ANK2: variants seen among roughly 807,000 people sequenced by gnomAD.
ANK2 encodes the protein ankyrin 2, also known as ankyrin-2.
In ANK2, 83 loss-of-function variants were observed where a neutral mutation model predicts 360.5. The ratio of observed to expected loss-of-function variants is 0.23; its 90% CI spans 0.19 to 0.28. The LOEUF is 0.28. Ranked by LOEUF, ANK2 falls within the 10% of genes least tolerant of loss-of-function variation. The probability of loss-of-function intolerance (pLI) is 1.00; values close to 1 mark genes in which losing one functional copy is unlikely to be tolerated. For synonymous variants in ANK2, 1,740 were observed against 1,759.5 expected, an observed-to-expected ratio of 0.99 and a Z score of 0.28; for missense variants, 4,201 against 4,795.7, an observed-to-expected ratio of 0.88 and a Z score of 3.66.
intron 2 of ANK2, among the ~76,000 whole-genome samples, chr4:113,014,338 T>C (rs964965551): frequency 1.3e-5 from 2 of 152,356 alleles, no homozygotes; most frequent in East Asian, 3.9e-4. Context: ...TTAACTCACT[T>C]AAGCTTTATG....
chr4:113,214,980 C>G (rs79243447), intron 4 of ANK2, among the ~76,000 whole-genome samples: 1 of 152,074 alleles, frequency 6.6e-6, no homozygotes, highest in African/African-American at 2.4e-5. Context: ...GGAGACTCTC[C>G]TGTATGTTGT....
chr4:113,350,061 G>C (rs1344791266), intron 36 of ANK2, among the ~76,000 whole-genome samples, 167 bp from the exon 37 acceptor site: 5 of 152,032 alleles, frequency 3.3e-5, no homozygotes, highest in African/African-American at 1.2e-4. Flanking sequence ...GTCAGGATAA[G>C]AATCATGGAG....
intron 4 of ANK2, among the ~76,000 whole-genome samples, chr4:113,202,995 T>G (rs921506340): frequency 6.6e-6 from 1 of 152,234 alleles, no homozygotes; most frequent in African/African-American, 2.4e-5. Flanking sequence ...GCTCTCTGGC[T>G]TGGTTCTTTG....
rs2154027475 is a variant in ANK2 at position 113,357,290 on chromosome 4, C to T, written c.8672C>T (p.Pro2891Leu). ...ETFENLPKDC[P>L]SQDSSITTQT... ...TTTGAGAACTTACCAAAGGACTGCC[C>T]CTCTCAAGACTCATCCATTACTACT... The change falls in exon 38 of 46, where the codon CCC (proline) becomes CTC (leucine). Residue 2891 changes from proline (P) to leucine (L), a missense_variant. Pro to Leu is a moderately conservative substitution (Grantham distance 98). Coordinates refer to ENST00000357077, the MANE Select transcript of ANK2 (RefSeq NM_001148.6). The T allele has an allele frequency of 1.2e-6, 2 of 1,614,012 alleles. No homozygotes were observed. The highest frequency in any genetic ancestry group is 1.7e-6 in the Non-Finnish European group (2 of 1,179,996).
the ANK2 span, among the ~76,000 whole-genome samples, chr4:112,791,582 G>A: frequency 0.029 from 4,271 of 148,850 alleles, 136 homozygotes; most frequent in African/African-American, 0.071. Flanking sequence ...TCCGCCTCCC[G>A]GGTTCACACC....
At chr4:113,164,669 G>A (rs962950396) in intron 1 of ANK2, among the ~76,000 whole-genome samples, 15 of 152,304 alleles carry the variant, frequency 9.8e-5, no homozygotes, top group South Asian at 2.1e-4. Context: ...ATGCGGATGC[G>A]TAGCATAATG....
intron 25 of ANK2, 119 bp downstream of exon 25, chr4:113,317,928 G>C: frequency 2.4e-6 from 2 of 846,106 alleles, no homozygotes; most frequent in Non-Finnish European, 3.9e-6. Context: ...ATTCAGTTGA[G>C]AAGCTAGGAT....
At chr4:113,021,314 G>C (rs2058013014) in intron 2 of ANK2, among the ~76,000 whole-genome samples, 1 of 151,866 alleles carries the variant, frequency 6.6e-6, no homozygotes, top group Non-Finnish European at 1.5e-5. Context: ...TCGTTAGTGT[G>C]AGTTGTTTTT....
chr4:112,710,194 TA>T, the ANK2 span, among the ~76,000 whole-genome samples: 1 of 152,194 alleles, frequency 6.6e-6, no homozygotes, highest in African/African-American at 2.4e-5. Flanking sequence ...GTTAGGGATT[TA>T]AAATGTGGTC....
At chr4:112,732,882 C>T in the ANK2 span, among the ~76,000 whole-genome samples, 2 of 152,076 alleles carry the variant, frequency 1.3e-5, no homozygotes, top group South Asian at 2.1e-4. Flanking sequence ...GAGTTTGAGA[C>T]CAGCCTGGCC....
At chr4:112,769,061 C>T in the ANK2 span, among the ~76,000 whole-genome samples, 1 of 152,208 alleles carries the variant, frequency 6.6e-6, no homozygotes, top group Non-Finnish European at 1.5e-5. Context: ...CTCCGCTGAA[C>T]GTGACTGGGC....
intron 45 of ANK2, among the ~76,000 whole-genome samples, chr4:113,381,027 A>G (rs538354895): frequency 1.3e-4 from 20 of 152,314 alleles, no homozygotes; most frequent in Non-Finnish European, 2.4e-4. Context: ...CTGGCAGCCA[A>G]GGTGTTTCAA....
intron 4 of ANK2, among the ~76,000 whole-genome samples, chr4:113,205,302 A>G (rs981338763): frequency 4.0e-5 from 6 of 148,780 alleles, no homozygotes; most frequent in African/African-American, 1.5e-4. Context: ...TTTTCAATTC[A>G]TTTTTCTTAT....
chr4:113,000,094 T>C (rs559535990), intron 2 of ANK2, among the ~76,000 whole-genome samples: 1 of 152,324 alleles, frequency 6.6e-6, no homozygotes, highest in South Asian at 2.1e-4. Flanking sequence ...GAAATGGTTA[T>C]ACCGCAGGGC....
chr4:112,758,191 C>G, the ANK2 span, among the ~76,000 whole-genome samples: 2 of 152,058 alleles, frequency 1.3e-5, no homozygotes, highest in Admixed American at 6.5e-5. Flanking sequence ...TGAGCCACCG[C>G]GTCCGGCCAA....
Position 113,249,827 on chromosome 4 carries a change from T to G in ANK2, c.955T>G (p.Leu319Val). ...GCATGACCAAGTGGTGGAACTTCTG[T>G]TGGAACGGGGTGCCCCCTTGCTGGC... ...SGHDQVVELLLERGAPLLART... is the reference protein window; with the variant it reads ...SGHDQVVELLVERGAPLLART... Residue 319 changes from leucine (L) to valine (V), a missense_variant, in exon 10 of 46, where the codon TTG becomes GTG. By Grantham distance (32) the Leu-to-Val change is conservative. This residue lies in a region of ANK2 where 122 missense variants were observed against 239.3 expected (regional missense o/e 0.51). Transcript: ENST00000357077. The G allele has an allele frequency of 6.2e-7, 1 of 1,614,198 alleles. No homozygotes were observed. The highest frequency in any genetic ancestry group is 8.5e-7 in the Non-Finnish European group (1 of 1,180,038).
chr4:112,834,474 A>C (rs1395697719), intron 1 of ANK2, among the ~76,000 whole-genome samples: 1 of 152,168 alleles, frequency 6.6e-6, no homozygotes, highest in Non-Finnish European at 1.5e-5. Context: ...TATGTTAGAA[A>C]ATTTCTATAA....
At chr4:113,103,918 T>A (rs2093290207) in intron 1 of ANK2, among the ~76,000 whole-genome samples, 1 of 152,134 alleles carries the variant, frequency 6.6e-6, no homozygotes, top group Non-Finnish European at 1.5e-5. Context: ...AAAATATTAG[T>A]TGTGATTTTT....
chr4:113,242,089 G>A, intron 8 of ANK2, 22 bp from the exon 9 acceptor site: 1 of 1,597,256 alleles, frequency 6.3e-7, no homozygotes, highest in Non-Finnish European at 8.6e-7. Context: ...AACAGCTCTT[G>A]TTTGGTCTTT....
Sources: allele counts gnomAD v4.1 joint callset (sites outside exome capture counted in the v4.1 genomes callset), GRCh38; gene constraint gnomAD v4.1.1; regional missense constraint gnomAD v4.1.1; transcripts MANE v1.5; gene names NCBI Gene and HGNC (gene_info 2026-07-23, HGNC 2026-07-21).